NEMF: variants seen among roughly 807,000 people sequenced by gnomAD.
NEMF encodes the protein ribosome quality control complex subunit NEMF.
A neutral mutation model predicts 162.2 loss-of-function variants in NEMF; 89 were observed. The observed-to-expected ratio is 0.55, with a 90% CI of 0.46 to 0.65. The LOEUF is 0.65. NEMF is among the 30% of genes least tolerant of loss of function. NEMF has a pLI of 0.00. For missense variants in NEMF, 1,133 were observed against 1,261.9 expected (o/e 0.90, Z 1.55); for synonymous variants, 421 against 404.5 (o/e 1.04, Z -0.49).
At chr14:49,831,986 C>G in intron 10 of NEMF, 65 bp downstream of exon 10, 1 of 1,058,446 alleles carries the variant, frequency 9.4e-7, no homozygotes, top group Non-Finnish European at 1.4e-6. Context: ...TCAATAGAAG[C>G]AAGTTGATAT....
chr14:49,852,651 C>G (rs1893839169), intron 1 of NEMF, 44 bp downstream of exon 1: 3 of 1,606,514 alleles, frequency 1.9e-6, no homozygotes, highest in African/African-American at 1.3e-5. Context: ...CGGCCTCTGC[C>G]TCCTGCACTC....
chr14:49,834,048 TA>T, intron 7 of NEMF: 1 of 464,666 alleles, frequency 2.2e-6, no homozygotes, highest in Non-Finnish European at 4.1e-6. Context: ...AAACATTCAC[TA>T]AAATCTCATT....
At chr14:49,807,217 C>T (rs1037431887) in intron 18 of NEMF, among the ~76,000 whole-genome samples, 1 of 152,184 alleles carries the variant, frequency 6.6e-6, no homozygotes, top group Non-Finnish European at 1.5e-5. Flanking sequence ...CATATAAGTA[C>T]TTCTGTTCTT....
rs1189083924 is a variant in NEMF, at chr14:49,803,243, T to C, written c.1909A>G (p.Ile637Val). The stretch of plus-strand genomic sequence containing the variant: ...TTTCCTGTCAAGACATTACCTCTTA[T>C]CATGAAGCTTCCTGTTGTCAAATAT... ...GEYLTTGSFM[I>V]RGKKNFLPPS... is the part of the protein sequence containing the mutation. The change falls in exon 20 of 33, where the codon ATA (isoleucine) becomes GTA (valine). Residue 637 changes from isoleucine to valine, a missense_variant. This residue lies in a region of NEMF where 532 missense variants were observed against 578.6 expected (regional missense o/e 0.92). Coordinates refer to ENST00000298310, the MANE Select transcript of NEMF (RefSeq NM_004713.6). The C allele has an allele frequency of 3.1e-6, 5 of 1,608,216 alleles. No individual in the cohort carries two copies. Among genetic ancestry groups the C allele is most frequent in the Non-Finnish European group, 4.3e-6 (5 of 1,174,876 alleles).
intron 8 of NEMF, among the ~76,000 whole-genome samples, chr14:49,832,934 G>T (rs1363497994): frequency 6.6e-6 from 1 of 152,042 alleles, no homozygotes; most frequent in African/African-American, 2.4e-5. Context: ...AAAAGATAGG[G>T]AACAGAAAAA....
At chr14:49,833,399 T>A in intron 8 of NEMF, 24 bp downstream of exon 8, 12 of 1,412,804 alleles carry the variant, frequency 8.5e-6, no homozygotes, top group Non-Finnish European at 1.1e-5. Context: ...CACAACAATA[T>A]ATAGTAAGTA....
Position 49,852,788 on chromosome 14 carries a change from T to G in NEMF, c.-35A>C. 4 of 1,612,086 alleles carry G rather than the reference T, an allele frequency of 2.5e-6. No individual in the cohort carries two copies. The highest frequency in any genetic ancestry group is 1.1e-5 in the South Asian group (1 of 91,022). On this transcript the variant is annotated 5_prime_UTR_variant, in exon 1 of 33. Transcript: ENST00000298310. ...CGAGGGTCACTACCGCAAGTTCCTC[T>G]ACTGCCCGGCCGGACTCGACGCCAC...
intron 32 of NEMF, 48 bp downstream of exon 32, chr14:49,784,877 A>C (rs1359335482): frequency 1.3e-6 from 2 of 1,516,164 alleles, no homozygotes; most frequent in South Asian, 2.3e-5. Flanking sequence ...CTAACATTTT[A>C]AATTGTACTG....
At chr14:49,834,829 CA>C (rs1471156431) in intron 6 of NEMF, among the ~76,000 whole-genome samples, 5 of 152,210 alleles carry the variant, frequency 3.3e-5, no homozygotes, top group Admixed American at 2.0e-4. Context: ...TTCCCAATAT[CA>C]ATGATCTACT....
chr14:49,840,895 C>G (rs1893169298), intron 4 of NEMF, 29 bp from the exon 5 acceptor site: 1 of 1,596,864 alleles, frequency 6.3e-7, no homozygotes, highest in South Asian at 1.1e-5. Context: ...CAATTTAGCG[C>G]TCTTTCAAAT....
At chr14:49,831,862 C>T (rs984882959) in intron 10 of NEMF, among the ~76,000 whole-genome samples, 189 bp downstream of exon 10, 3 of 152,176 alleles carry the variant, frequency 2.0e-5, no homozygotes, top group Non-Finnish European at 2.9e-5. Flanking sequence ...AACCTCTGGT[C>T]CTTCATCCTG....
Position 49,829,331 on chromosome 14 carries a change from G to A in NEMF, c.1023+18C>T. On this transcript the variant is annotated intron_variant, in intron 12 of 32. Coordinates refer to ENST00000298310, the MANE Select transcript of NEMF (RefSeq NM_004713.6). ...GTTAACATTTTTGAAAAAGCACTGAGAAAGCCAAACATAATACCTGAGCCT... is the reference window on the plus strand; with the variant it reads ...GTTAACATTTTTGAAAAAGCACTGAAAAAGCCAAACATAATACCTGAGCCT... 1 of 1,613,930 alleles carries A rather than the reference G, an allele frequency of 6.2e-7. No homozygotes were observed. The highest frequency in any genetic ancestry group is 8.5e-7 in the Non-Finnish European group (1 of 1,179,882).
chr14:49,837,122 A>C (rs1330437636), intron 6 of NEMF, among the ~76,000 whole-genome samples: 1 of 152,050 alleles, frequency 6.6e-6, no homozygotes. Flanking sequence ...AAAATACAAA[A>C]AAAATTAGCT....
chr14:49,828,348 A>G lies in NEMF; in HGVS notation c.1431T>C (p.Tyr477=), dbSNP rs748507280. 35 of 1,570,682 alleles carry G rather than the reference A, an allele frequency of 2.2e-5. No homozygotes were observed. The highest frequency in any genetic ancestry group is 3.0e-5 in the Non-Finnish European group (34 of 1,151,836). The change falls in exon 15 of 33, where the codon TAT becomes TAC. Residue 477 remains tyrosine, a synonymous_variant. Coordinates refer to ENST00000298310, the MANE Select transcript of NEMF (RefSeq NM_004713.6). ...LSAYANAKKY[Y]DHKRYAAKKT... is the part of the protein sequence containing the mutation. ...TCTTAGCAGCATATCTCTTGTGATC[A>G]TAATACCTAGAAAAACATATTTCTC... is the stretch of plus-strand genomic sequence containing the variant.
Position 49,820,769 on chromosome 14 carries a change from C to T in NEMF, c.1577+5098G>A, listed in dbSNP as rs566530460. 3.9e-3 allele frequency among the ~76,000 whole-genome samples: 597 copies of T among 152,198 alleles called. 6 individuals are homozygous for T. The highest frequency in any genetic ancestry group is 0.014 in the African/African-American group (575 of 41,542). On this transcript the variant is annotated intron_variant, in intron 16 of 32. Coordinates refer to ENST00000298310, the MANE Select transcript of NEMF (RefSeq NM_004713.6). Reference sequence around the variant, plus strand: ...AGTGCCTGCGATTGCAGGTGCGTGCCGCCACGCCTGACTGGTTTTCGTATT... The same window carrying T: ...AGTGCCTGCGATTGCAGGTGCGTGCTGCCACGCCTGACTGGTTTTCGTATT...
chr14:49,844,818 G>T, intron 4 of NEMF: 1 of 425,146 alleles, frequency 2.4e-6, no homozygotes, highest in Non-Finnish European at 4.8e-6. Flanking sequence ...ACCTGAGCTG[G>T]AGTACAATGG....
chr14:49,818,655 A>C (rs1891840587), intron 16 of NEMF, among the ~76,000 whole-genome samples: 1 of 152,144 alleles, frequency 6.6e-6, no homozygotes, highest in Non-Finnish European at 1.5e-5. Context: ...GGGTATAAAG[A>C]AGATCTCTGG....
intron 4 of NEMF, 80 bp downstream of exon 4, chr14:49,846,060 C>T: frequency 1.7e-6 from 2 of 1,206,466 alleles, no homozygotes; most frequent in Non-Finnish European, 2.3e-6. Flanking sequence ...AAAAATGTTC[C>T]CCCACTCATG....
chr14:49,813,534 CTCT>C (rs1207499064), intron 18 of NEMF, among the ~76,000 whole-genome samples: 6 of 152,348 alleles, frequency 3.9e-5, no homozygotes, highest in African/African-American at 1.4e-4. Context: ...AACTATCTCT[CTCT>C]CCCTTCAATT....
Sources: allele counts gnomAD v4.1 joint callset (sites outside exome capture counted in the v4.1 genomes callset), GRCh38; gene constraint gnomAD v4.1.1; regional missense constraint gnomAD v4.1.1; transcripts MANE v1.5; gene names NCBI Gene and HGNC (gene_info 2026-07-23, HGNC 2026-07-21).